The following GPC5 variants were observed in gnomAD, a reference collection of about 807,000 sequenced individuals.
The protein encoded by GPC5 is glypican 5, also known as glypican-5.
Under a neutral mutation model 53.9 loss-of-function variants are expected in GPC5, and 47 were observed. The ratio of observed to expected loss-of-function variants is 0.87; its 90% CI spans 0.69 to 1.11. The LOEUF (loss-of-function observed/expected upper bound fraction) is 1.11. Ranked by LOEUF, GPC5 falls within the 50% of genes most tolerant of loss-of-function variation. The probability of loss-of-function intolerance (pLI) is 0.00; values close to 1 mark genes in which losing one functional copy is unlikely to be tolerated. For synonymous variants in GPC5, 286 were observed against 263.3 expected (o/e 1.09, Z -0.84); for missense variants, 748 against 713.1 (o/e 1.05, Z -0.56).
At chr13:92,758,517 GA>G (rs1031970671) in intron 7 of GPC5, among the ~76,000 whole-genome samples, 4 of 152,092 alleles carry the variant, frequency 2.6e-5, no homozygotes, top group African/African-American at 9.6e-5. Context: ...TAGTATGTGG[GA>G]AAAAATGTGT....
At chr13:91,518,304 T>G (rs1306511828) in intron 2 of GPC5, among the ~76,000 whole-genome samples, 1 of 152,164 alleles carries the variant, frequency 6.6e-6, no homozygotes, top group Non-Finnish European at 1.5e-5. Context: ...GAGGTTGCAG[T>G]GAACTATGAT....
At chr13:91,714,338 C>T (rs2036288628) in intron 3 of GPC5, among the ~76,000 whole-genome samples, 1 of 152,128 alleles carries the variant, frequency 6.6e-6, no homozygotes, top group Admixed American at 6.6e-5. Context: ...AAATATCCAA[C>T]TGGGGGATTG....
chr13:91,928,519 C>G (rs1164772234), intron 6 of GPC5, among the ~76,000 whole-genome samples: 7 of 152,096 alleles, frequency 4.6e-5, no homozygotes, highest in Admixed American at 1.3e-4. Flanking sequence ...AACAATTGGT[C>G]ACACTGCACA....
intron 5 of GPC5, among the ~76,000 whole-genome samples, chr13:91,757,165 C>T (rs542490280): frequency 5.5e-4 from 83 of 152,148 alleles, no homozygotes; most frequent in African/African-American, 1.8e-3. Flanking sequence ...GTCAATTAAA[C>T]TGGTTGGGGA....
intron 7 of GPC5, among the ~76,000 whole-genome samples, chr13:92,519,838 G>T (rs780375167): frequency 6.6e-6 from 1 of 152,074 alleles, no homozygotes; most frequent in Non-Finnish European, 1.5e-5. Flanking sequence ...ATGAATCCAG[G>T]ATCTGTTTTT....
chr13:92,489,805 A>G (rs1879691180), intron 7 of GPC5, among the ~76,000 whole-genome samples: 1 of 151,988 alleles, frequency 6.6e-6, no homozygotes, highest in African/African-American at 2.4e-5. Flanking sequence ...GGCTTGATTC[A>G]CCTATTCATA....
intron 6 of GPC5, among the ~76,000 whole-genome samples, chr13:91,972,620 A>C (rs2040254811): frequency 6.6e-6 from 1 of 151,892 alleles, no homozygotes; most frequent in Non-Finnish European, 1.5e-5. Context: ...GTTCCTTTCC[A>C]TGTTTAGTGC....
intron 7 of GPC5, among the ~76,000 whole-genome samples, chr13:92,162,790 T>G (rs1439872045): frequency 6.6e-6 from 1 of 152,182 alleles, no homozygotes; most frequent in East Asian, 1.9e-4. Flanking sequence ...ACAAATAAGT[T>G]GATGACATAA....
chr13:91,786,975 G>T (rs1389804215), intron 5 of GPC5, among the ~76,000 whole-genome samples: 3 of 144,858 alleles, frequency 2.1e-5, no homozygotes, highest in East Asian at 2.1e-4. Flanking sequence ...TATTGTAAAT[G>T]GTACAATTAC....
At chr13:91,688,815 G>A (rs919386243) in intron 2 of GPC5, among the ~76,000 whole-genome samples, 15 of 152,048 alleles carry the variant, frequency 9.9e-5, no homozygotes, top group Admixed American at 7.9e-4. Flanking sequence ...TACTCTAGGC[G>A]TTTGTAATGC....
intron 6 of GPC5, among the ~76,000 whole-genome samples, chr13:91,991,246 T>C (rs1260597199): frequency 2.0e-5 from 3 of 152,228 alleles, no homozygotes; most frequent in Non-Finnish European, 2.9e-5. Flanking sequence ...TTTTGCAGTT[T>C]CCTCGTCTCT....
chr13:92,075,669 G>A (rs903346839), intron 6 of GPC5, among the ~76,000 whole-genome samples: 1 of 151,998 alleles, frequency 6.6e-6, no homozygotes, highest in African/African-American at 2.4e-5. Context: ...CATGACAAAA[G>A]ATTTCTCTAT....
chr13:92,491,379 TA>T (rs1283426506), intron 7 of GPC5, among the ~76,000 whole-genome samples: 1 of 152,158 alleles, frequency 6.6e-6, no homozygotes, highest in Non-Finnish European at 1.5e-5. Flanking sequence ...GACACACTTG[TA>T]AAACTATTAT....
Position 92,404,986 on chromosome 13 carries a change from T to C in GPC5, c.1561+259997T>C, listed in dbSNP as rs943906561. Among the ~76,000 whole-genome samples the C allele has an allele frequency of 5.3e-5, 8 of 150,404 alleles. 1 individual carries two copies. The highest frequency in any genetic ancestry group is 1.0e-4 in the Non-Finnish European group (7 of 67,568). ...ATGTATAAGGAAACCGATCTTGCCA[T>C]AGGCAAATTAAATTCCTATGGCATA... On this transcript the variant is annotated intron_variant, in intron 7 of 7. Coordinates refer to ENST00000377067, the MANE Select transcript of GPC5 (RefSeq NM_004466.6).
At chr13:91,746,537 G>A (rs2037054771) in intron 4 of GPC5, among the ~76,000 whole-genome samples, 2 of 152,136 alleles carry the variant, frequency 1.3e-5, no homozygotes, top group African/African-American at 4.8e-5. Flanking sequence ...ATTTATAAAT[G>A]TTTAAAATGA....
Position 92,285,377 on chromosome 13 carries a change from T to C in GPC5, c.1561+140388T>C, listed in dbSNP as rs535698697. Among the ~76,000 whole-genome samples, 695 of 152,214 alleles carry C rather than the reference T, an allele frequency of 4.6e-3. 7 individuals are homozygous for C. The highest frequency in any genetic ancestry group is 0.016 in the African/African-American group (661 of 41,500). ...GCTACCAATGACTGTCTTCACAGAA[T>C]TGGAAAAAACTACTTTAAAGTTCAT... On this transcript the variant is annotated intron_variant, in intron 7 of 7. Transcript: ENST00000377067.
intron 7 of GPC5, among the ~76,000 whole-genome samples, chr13:92,262,495 G>T (rs1208900870): frequency 6.6e-6 from 1 of 152,126 alleles, no homozygotes; most frequent in Non-Finnish European, 1.5e-5. Flanking sequence ...AGGAGTTTGA[G>T]CCAGGAGGCC....
At chr13:92,784,865 C>A (rs1451527597) in intron 7 of GPC5, among the ~76,000 whole-genome samples, 1 of 152,152 alleles carries the variant, frequency 6.6e-6, no homozygotes. Context: ...CCATTATTAT[C>A]TAAACATTAA....
At chr13:91,542,850 ATTTTTTTT>A (rs3055888) in intron 2 of GPC5, among the ~76,000 whole-genome samples, 46 of 68,230 alleles carry the variant, frequency 6.7e-4, no homozygotes, top group African/African-American at 2.1e-3. Flanking sequence ...TGCCCAGCCA[ATTTTTTTT>A]TTTTTTTTTT....
Sources: allele counts gnomAD v4.1 joint callset (sites outside exome capture counted in the v4.1 genomes callset), GRCh38; gene constraint gnomAD v4.1.1; transcripts MANE v1.5; gene names NCBI Gene and HGNC (gene_info 2026-07-23, HGNC 2026-07-21).